Variants in QRICH2 observed in about 807,000 individuals in gnomAD.
QRICH2 encodes the protein glutamine rich 2.
QRICH2 carries 119 observed loss-of-function variants against 168.3 expected under a neutral mutation model. The observed-to-expected ratio is 0.71, with a 90% CI of 0.61 to 0.82. The LOEUF is 0.82. QRICH2 is among the 40% of genes least tolerant of loss of function. QRICH2 has a pLI of 0.00. For missense variants in QRICH2, 2,241 were observed against 2,491.6 expected (o/e 0.90, Z 2.14); for synonymous variants, 894 against 951.2 (o/e 0.94, Z 1.11).
chr17:76,292,595 A>T lies in QRICH2; in HGVS notation c.2132T>A (p.Val711Glu), dbSNP rs1184558252. The stretch of plus-strand genomic sequence containing the variant: ...ATCACTCTGATCTGCACCAGATTGT[A>T]CCAAACCATGCTGATCTGCACCAGG... ...VQPGADQHGL[V>E]QSGADQSDLA... The change falls in exon 4 of 19, where the codon GTA (valine) becomes GAA (glutamate). Residue 711 changes from valine to glutamate, a missense_variant. Val to Glu is a moderately radical substitution (Grantham distance 121, BLOSUM62 -2). Coordinates refer to ENST00000680821, the MANE Select transcript of QRICH2 (RefSeq NM_001388453.1). 1 of 1,614,080 alleles carries T rather than the reference A, an allele frequency of 6.2e-7. No individual in the cohort carries two copies. Among genetic ancestry groups the T allele is most frequent in the Non-Finnish European group, 8.5e-7 (1 of 1,179,990 alleles).
Position 76,282,078 on chromosome 17 carries a change from G to A in QRICH2, c.4049C>T (p.Thr1350Ile). The change falls in exon 8 of 19, where the codon ACC (threonine) becomes ATC (isoleucine). Residue 1350 changes from threonine (T) to isoleucine (I), a missense_variant. Transcript: ENST00000680821. ...CATGGACAGGAGCGTGGAGGAGGAGGTCAGCATGCTCTCAATGATCATCCT... is the reference window on the plus strand; with the variant it reads ...CATGGACAGGAGCGTGGAGGAGGAGATCAGCATGCTCTCAATGATCATCCT... The part of the protein sequence containing the change: ...KLRMIIESML[T>I]SSSTLLSMSM... 6.2e-7 allele frequency: 1 copy of A among 1,610,746 alleles called. No individual in the cohort carries two copies. Among genetic ancestry groups the A allele is most frequent in the Non-Finnish European group, 8.5e-7 (1 of 1,177,418 alleles).
chr17:76,294,812 C>CA (rs35491289), intron 3 of QRICH2, among the ~76,000 whole-genome samples: 44,064 of 103,696 alleles, frequency 0.42, 7,601 homozygotes, highest in East Asian at 0.61. Context: ...GACTCCTTCT[C>CA]AAAAAAAAAA....
rs758255419 is a variant in QRICH2, at chr17:76,293,003, C to A, written c.1724G>T (p.Arg575Ile). 1 of 1,614,104 alleles carries A rather than the reference C, an allele frequency of 6.2e-7. No homozygotes were observed. Among genetic ancestry groups the A allele is most frequent in the Non-Finnish European group, 8.5e-7 (1 of 1,180,048 alleles). ...ACGCTGCACCAAAGCACGCTGAAAT[C>A]TGCCAGACTGGATCAAATCATGCTG... ...TEQHDLIQSGRFQRALVQRGA... is the reference protein window; with the variant it reads ...TEQHDLIQSGIFQRALVQRGA... Residue 575 changes from arginine (R) to isoleucine (I), a missense_variant, in exon 4 of 19, where the codon AGA becomes ATA. Physicochemically the swap from Arg to Ile is moderately conservative, Grantham distance 97. Around this residue, in one of 3 missense-constraint regions of QRICH2, gnomAD observed 2,047 missense variants for 2,303.8 expected, o/e 0.89. Transcript: ENST00000680821.
intron 18 of QRICH2, among the ~76,000 whole-genome samples, chr17:76,275,255 T>C (rs1302652667): frequency 1.3e-5 from 2 of 152,142 alleles, no homozygotes; most frequent in African/African-American, 4.8e-5. Context: ...ACGAGGAAAC[T>C]GAGGTCTGGA....
chr17:76,277,549 TG>T (rs1374921085), intron 15 of QRICH2, among the ~76,000 whole-genome samples: 8 of 151,794 alleles, frequency 5.3e-5, no homozygotes, highest in African/African-American at 1.9e-4. Context: ...CACTCACACA[TG>T]TACTCATACA....
chr17:76,302,942 G>A (rs993271450), intron 3 of QRICH2, among the ~76,000 whole-genome samples: 3 of 151,606 alleles, frequency 2.0e-5, no homozygotes, highest in African/African-American at 7.3e-5. Flanking sequence ...AGAGTGCAGT[G>A]GTGAGATCTC....
Position 76,280,994 on chromosome 17 carries a change from C to A in QRICH2, c.4264-41G>T. On this transcript the variant is annotated intron_variant, in intron 8 of 18. Transcript: ENST00000680821. This position sits in a 1 kb window ranked among gnomAD's most constrained non-coding sequence, Gnocchi z 7.4. ...TGGGAAGGCTCTCGGAGGCTGCTGG[C>A]GCGATCCCACCCCCTGCTGCCATAA... 3 of 1,593,150 alleles carry A rather than the reference C, an allele frequency of 1.9e-6. No individual in the cohort carries two copies. The highest frequency in any genetic ancestry group is 2.6e-6 in the Non-Finnish European group (3 of 1,175,868).
At position 76,281,730 on chromosome 17, in the gene QRICH2, C is replaced by G. The variant is rs2070790683; in HGVS notation, c.4263+134G>C. 8.9e-7 allele frequency: 1 copy of G among 1,120,642 alleles called. No individual in the cohort carries two copies. Among genetic ancestry groups the G allele is most frequent in the Non-Finnish European group, 1.3e-6 (1 of 777,002 alleles). The allele number at this position is 1,120,642 out of a possible 1,614,324, so 69.4% of individuals were successfully genotyped here. A position where few individuals can be genotyped will look rare whatever the true frequency, so the allele number is the denominator to read the frequency against. On this transcript the variant is annotated intron_variant, in intron 8 of 18. Coordinates refer to ENST00000680821, the MANE Select transcript of QRICH2 (RefSeq NM_001388453.1). This position sits in a 1 kb window ranked among gnomAD's most constrained non-coding sequence, Gnocchi z 4.4. The stretch of plus-strand genomic sequence containing the variant: ...GACCAGGGACTCTTGTGGGATCTGG[C>G]TAAAGGGCTCCGCCACGGAGAGCTG...
Position 76,280,925 on chromosome 17 carries a change from C to T in QRICH2, c.4292G>A (p.Ser1431Asn). ...GTCACCCTGCACCTGCAGGATGGCACTCTGCACACGGCCCAGCAGCTCCTC... is the reference window on the plus strand; with the variant it reads ...GTCACCCTGCACCTGCAGGATGGCATTCTGCACACGGCCCAGCAGCTCCTC... ...QDEELLGRVQ[S>N]AILQVQGDCE... Residue 1431 changes from serine (S) to asparagine (N), a missense_variant, in exon 9 of 19, where the codon AGT becomes AAT. By Grantham distance (46) the Ser-to-Asn change is conservative. Transcript: ENST00000680821. This position sits in a 1 kb window ranked among gnomAD's most constrained non-coding sequence, Gnocchi z 7.4. 1 of 1,612,052 alleles carries T rather than the reference C, an allele frequency of 6.2e-7. No individual in the cohort carries two copies. The highest frequency in any genetic ancestry group is 8.5e-7 in the Non-Finnish European group (1 of 1,180,012).
At chr17:76,286,761 GC>G (rs1337545521) in intron 7 of QRICH2, among the ~76,000 whole-genome samples, 1 of 151,868 alleles carries the variant, frequency 6.6e-6, no homozygotes, top group Admixed American at 6.6e-5. Context: ...TGTAGTCCTG[GC>G]TACTCAGGAG....
intron 13 of QRICH2, 47 bp downstream of exon 13, chr17:76,279,316 C>T (rs539832441): frequency 3.2e-5 from 49 of 1,524,864 alleles, no homozygotes; most frequent in African/African-American, 1.5e-4. Flanking sequence ...AGGGAGGAGA[C>T]GCAGCCCTGC....
rs368987642 is a variant in QRICH2, at chr17:76,307,480, C to A, written c.519G>T (p.Glu173Asp). The A allele has an allele frequency of 6.2e-7, 1 of 1,613,716 alleles. No homozygotes were observed. The highest frequency in any genetic ancestry group is 8.5e-7 in the Non-Finnish European group (1 of 1,179,868). The change falls in exon 1 of 19, where the codon GAG (glutamate) becomes GAT (aspartate). Residue 173 changes from glutamate to aspartate, a missense_variant. Glu to Asp is a conservative substitution (Grantham distance 45). Around this residue, in one of 3 missense-constraint regions of QRICH2, gnomAD observed 2,047 missense variants for 2,303.8 expected, o/e 0.89. Transcript: ENST00000680821. The surrounding 1 kb of genome is among the most constrained non-coding windows in gnomAD (Gnocchi z 5.3). ...TGSIMKDAAE[E>D]LSFARVLLQR... Reference sequence around the variant, plus strand: ...GCGTGCTCACCCTGGCAAAGCTGAGCTCCTCGGCGGCGTCCTTCATGATAC... The same window carrying A: ...GCGTGCTCACCCTGGCAAAGCTGAGATCCTCGGCGGCGTCCTTCATGATAC...
chr17:76,295,269 T>TAAATA (rs935558870), intron 3 of QRICH2, among the ~76,000 whole-genome samples: 8 of 150,676 alleles, frequency 5.3e-5, no homozygotes, highest in African/African-American at 1.5e-4. Context: ...AAAAAATAAA[T>TAAATA]AAATAAAATA....
In QRICH2 at chr17:76,307,825, G is replaced by A. The variant is rs2071014997; in HGVS notation, c.174C>T (p.Ser58=). 2.3e-6 allele frequency: 3 copies of A among 1,292,710 alleles called. No homozygotes were observed. The South Asian group carries it at 7.8e-5, about 34-fold the overall frequency. 80.1% of individuals were successfully genotyped at this position (1,292,710 alleles called of 1,614,324 possible). The change falls in exon 1 of 19, where the codon AGC becomes AGT. Residue 58 remains serine, a synonymous_variant. Coordinates refer to ENST00000680821, the MANE Select transcript of QRICH2 (RefSeq NM_001388453.1). This position sits in a 1 kb window ranked among gnomAD's most constrained non-coding sequence, Gnocchi z 5.3. ...IDFQPSSPEP[S]RSLQSVRSSF... ...AGCTCCGGACGGACTGCAGCGAGCG[G>A]CTGGGCTCGGGCGACGAGGGCTGGA... is the stretch of plus-strand genomic sequence containing the variant.
chr17:76,285,007 T>C (rs2070856309), intron 7 of QRICH2, among the ~76,000 whole-genome samples: 1 of 150,550 alleles, frequency 6.6e-6, no homozygotes, highest in Non-Finnish European at 1.5e-5. Flanking sequence ...CAGGCTGGCG[T>C]CCAGTGGCGC....
At chr17:76,305,057 A>C in intron 1 of QRICH2, 116 bp from the exon 2 acceptor site, 1 of 762,884 alleles carries the variant, frequency 1.3e-6, no homozygotes, top group Non-Finnish European at 2.4e-6. Context: ...ACATGCATAC[A>C]CGCACATTCA....
chr17:76,291,062 G>A lies in QRICH2; in HGVS notation c.3665C>T (p.Ala1222Val). 1 of 1,614,102 alleles carries A rather than the reference G, an allele frequency of 6.2e-7. No homozygotes were observed. The change falls in exon 4 of 19, where the codon GCC becomes GTC. Residue 1222 changes from alanine to valine, a missense_variant. Around this residue, in one of 3 missense-constraint regions of QRICH2, gnomAD observed 2,047 missense variants for 2,303.8 expected, o/e 0.89. Coordinates refer to ENST00000680821, the MANE Select transcript of QRICH2 (RefSeq NM_001388453.1). ...GATCTTCTCCAAGTCGGTTTGGCCG[G>A]CCTGCTCCTCATCCAGATCCTTCAT... ...ESMKDLDEEQ[A>V]GQTDLEKIQF... is the part of the protein sequence containing the mutation.
chr17:76,303,687 C>T (rs1205539281), intron 3 of QRICH2, among the ~76,000 whole-genome samples: 1 of 151,716 alleles, frequency 6.6e-6, no homozygotes, highest in Non-Finnish European at 1.5e-5. Context: ...TGGGCAACAC[C>T]GTGAAACCCC....
At chr17:76,308,824 C>T (rs2071030104), upstream of QRICH2, among the ~76,000 whole-genome samples, 1 of 151,994 alleles carries the variant, frequency 6.6e-6, no homozygotes, top group Admixed American at 6.6e-5. Flanking sequence ...CGGCTCACTG[C>T]AACCTCTGCC....
Sources: allele counts gnomAD v4.1 joint callset (sites outside exome capture counted in the v4.1 genomes callset), GRCh38; gene constraint gnomAD v4.1.1; regional missense constraint gnomAD v4.1.1; non-coding constraint Gnocchi (gnomAD v3.1); transcripts MANE v1.5; gene names NCBI Gene and HGNC (gene_info 2026-07-23, HGNC 2026-07-21).